Variants in PAPPA observed in about 807,000 individuals in gnomAD.
PAPPA encodes pappalysin 1.
Under a neutral mutation model 164.0 loss-of-function variants are expected in PAPPA, and 60 were observed. That is an observed-to-expected ratio of 0.37 (90% CI 0.30 to 0.45). The LOEUF (loss-of-function observed/expected upper bound fraction) is 0.45, where lower values mean the gene tolerates loss of function less well. PAPPA is among the 20% of genes least tolerant of loss of function. The pLI is 1.00. For synonymous variants in PAPPA, 875 were observed against 814.1 expected (o/e 1.07, Z -1.27); for missense variants, 1,782 against 2,087.3 (o/e 0.85, Z 2.85).
chr9:116,367,724 C>T lies in PAPPA; in HGVS notation c.4575C>T (p.Ile1525=). The T allele has an allele frequency of 6.2e-7, 1 of 1,613,826 alleles. No homozygotes were observed. The highest frequency in any genetic ancestry group is 2.2e-5 in the East Asian group (1 of 44,864). The change falls in exon 19 of 22, where the codon ATC becomes ATT. Residue 1525 remains isoleucine, a synonymous_variant. Coordinates refer to ENST00000328252, the MANE Select transcript of PAPPA (RefSeq NM_002581.5). The part of the protein sequence containing the change: ...ILPMNVTVRD[I]PHWLNPTRVE... ...CAATGAACGTGACCGTGCGTGACAT[C>T]CCCCACTGGCTGAACCCCACACGGG...
intron 9 of PAPPA, among the ~76,000 whole-genome samples, chr9:116,300,127 T>G (rs1308239859): frequency 6.6e-6 from 1 of 152,158 alleles, no homozygotes; most frequent in East Asian, 1.9e-4. Context: ...CACATGAGGT[T>G]GGAGCTACTG....
At chr9:116,312,258 G>C (rs975478159) in intron 10 of PAPPA, among the ~76,000 whole-genome samples, 23 of 140,848 alleles carry the variant, frequency 1.6e-4, no homozygotes, top group Non-Finnish European at 3.0e-4. Context: ...CTTTGTTCTT[G>C]TCTTTCATTT....
intron 2 of PAPPA, among the ~76,000 whole-genome samples, chr9:116,194,930 A>G (rs1239187552): frequency 6.6e-6 from 1 of 152,216 alleles, no homozygotes; most frequent in East Asian, 1.9e-4. Flanking sequence ...AGGACTAGCC[A>G]CAGAATTGGT....
intron 1 of PAPPA, among the ~76,000 whole-genome samples, chr9:116,181,340 TTCTC>T (rs944105180): frequency 1.4e-5 from 2 of 143,058 alleles, no homozygotes; most frequent in African/African-American, 5.6e-5. Context: ...CTCTCTCTCT[TTCTC>T]TCTCTCTCTT....
At chr9:116,261,432 CT>C (rs1381585482) in intron 7 of PAPPA, among the ~76,000 whole-genome samples, 5 of 152,054 alleles carry the variant, frequency 3.3e-5, no homozygotes, top group Non-Finnish European at 7.4e-5. Context: ...TCCTATATGA[CT>C]TTTTTGTTTC....
At chr9:116,236,327 G>A (rs773933856) in intron 7 of PAPPA, among the ~76,000 whole-genome samples, 6 of 152,070 alleles carry the variant, frequency 3.9e-5, no homozygotes, top group Non-Finnish European at 8.8e-5. Context: ...GCTCACTCCT[G>A]TAATCTCAGC....
chr9:116,187,144 G>A lies in PAPPA; in HGVS notation c.416-10G>A. On this transcript the variant is annotated splice_polypyrimidine_tract_variant and intron_variant, in intron 1 of 21. Transcript: ENST00000328252. This position sits in a 1 kb window ranked among gnomAD's most constrained non-coding sequence, Gnocchi z 4.2. The stretch of plus-strand genomic sequence containing the variant: ...TTATTTATTCATCTTTCTCTTTTGG[G>A]GCCACATAGGGCTGTATGACAAATG... 1 of 1,575,112 alleles carries A rather than the reference G, an allele frequency of 6.3e-7. No individual in the cohort carries two copies. The highest frequency in any genetic ancestry group is 8.7e-7 in the Non-Finnish European group (1 of 1,147,730).
chr9:116,288,418 TCTCCCTCC>T (rs1158947439), intron 9 of PAPPA, among the ~76,000 whole-genome samples: 3 of 109,952 alleles, frequency 2.7e-5, no homozygotes, highest in East Asian at 3.4e-4. Flanking sequence ...TTTATTTCTG[TCTCCCTCC>T]CTCCCTCCCT....
chr9:116,376,040 G>T (rs370570389), intron 19 of PAPPA, among the ~76,000 whole-genome samples: 3,784 of 54,402 alleles, frequency 0.07, 111 homozygotes, highest in African/African-American at 0.19. Context: ...TTTTTTTTTT[G>T]AGACGGAGTC....
At position 116,154,798 on chromosome 9, in the gene PAPPA, A is replaced by G. The variant is rs1173830835; in HGVS notation, c.415+211A>G. ...CACACTCGGAAGGCGTAGCTGCTCC[A>G]TCCCTGGGAGGAACCTGGGGAGCCC... On this transcript the variant is annotated intron_variant, in intron 1 of 21. Coordinates refer to ENST00000328252, the MANE Select transcript of PAPPA (RefSeq NM_002581.5). The surrounding 1 kb of genome is among the most constrained non-coding windows in gnomAD (Gnocchi z 5.2). 6.6e-6 allele frequency among the ~76,000 whole-genome samples: 1 copy of G among 152,052 alleles called. No individual in the cohort carries two copies. The highest frequency in any genetic ancestry group is 1.5e-5 in the Non-Finnish European group (1 of 67,996).
intron 16 of PAPPA, 32 bp downstream of exon 16, chr9:116,352,948 C>A (rs750400895): frequency 6.5e-7 from 1 of 1,539,660 alleles, no homozygotes; most frequent in South Asian, 1.1e-5. Context: ...AACTTATGGT[C>A]TCTGGGAGGA....
chr9:116,315,065 A>T (rs1161556726), intron 10 of PAPPA, among the ~76,000 whole-genome samples: 2 of 152,220 alleles, frequency 1.3e-5, no homozygotes, highest in African/African-American at 4.8e-5. Context: ...GTTGTTGGGA[A>T]CAATAGCTGC....
At chr9:116,290,591 C>G (rs1335085501) in intron 9 of PAPPA, among the ~76,000 whole-genome samples, 2 of 152,112 alleles carry the variant, frequency 1.3e-5, no homozygotes, top group Non-Finnish European at 2.9e-5. Flanking sequence ...ATCTCCAGTT[C>G]CCTTGACTCC....
chr9:116,379,558 TCCA>T (rs1846700053), intron 20 of PAPPA, among the ~76,000 whole-genome samples: 1 of 151,868 alleles, frequency 6.6e-6, no homozygotes, highest in Non-Finnish European at 1.5e-5. Context: ...CATCCATCCA[TCCA>T]TCCATCCATC....
chr9:116,288,326 G>A (rs1845367487), intron 9 of PAPPA, among the ~76,000 whole-genome samples: 2 of 151,920 alleles, frequency 1.3e-5, no homozygotes, highest in Non-Finnish European at 2.9e-5. Context: ...CCAAGATTGC[G>A]CCACCGCACT....
chr9:116,176,974 C>A (rs981721174), intron 1 of PAPPA, among the ~76,000 whole-genome samples: 2 of 148,712 alleles, frequency 1.3e-5, no homozygotes, highest in African/African-American at 4.9e-5. Context: ...GACCCCCCCC[C>A]CCAATATTTT....
chr9:116,314,365 G>A (rs148120680), intron 10 of PAPPA, among the ~76,000 whole-genome samples: 232 of 151,954 alleles, frequency 1.5e-3, no homozygotes, highest in African/African-American at 4.6e-3. Flanking sequence ...CACCACACCC[G>A]GTCTCTCCAG....
intron 1 of PAPPA, among the ~76,000 whole-genome samples, chr9:116,181,847 C>G (rs1004529055): frequency 7.9e-5 from 12 of 152,224 alleles, no homozygotes; most frequent in Non-Finnish European, 4.4e-5. Flanking sequence ...ATAGATTACT[C>G]TTTGGTAATA....
chr9:116,236,562 G>A (rs1179061669), intron 7 of PAPPA, among the ~76,000 whole-genome samples: 3 of 148,096 alleles, frequency 2.0e-5, no homozygotes, highest in Non-Finnish European at 4.5e-5. Context: ...CTCCAGCCTC[G>A]GCCACAAGAG....
Sources: allele counts gnomAD v4.1 joint callset (sites outside exome capture counted in the v4.1 genomes callset), GRCh38; gene constraint gnomAD v4.1.1; non-coding constraint Gnocchi (gnomAD v3.1); transcripts MANE v1.5; gene names NCBI Gene and HGNC (gene_info 2026-07-23, HGNC 2026-07-21).